TTC21A: variants seen among roughly 807,000 people sequenced by gnomAD.
The protein encoded by TTC21A is tetratricopeptide repeat domain 21A, also known as tetratricopeptide repeat protein 21A.
Under a neutral mutation model 156.4 loss-of-function variants are expected in TTC21A, and 128 were observed. That is an observed-to-expected ratio of 0.82 (90% CI 0.71 to 0.95). The LOEUF is 0.95. Among genes scored for constraint, TTC21A ranks in the 40% least tolerant of loss-of-function variants. The pLI, the probability that TTC21A is intolerant of heterozygous loss-of-function variation, is 0.00. For synonymous variants in TTC21A, 587 were observed against 617.1 expected (o/e 0.95, Z 0.72); for missense variants, 1,435 against 1,602.3 (o/e 0.90, Z 1.78).
At chr3:39,136,612 A>G in intron 23 of TTC21A, 105 bp downstream of exon 23, 1 of 1,404,272 alleles carries the variant, frequency 7.1e-7, no homozygotes. Flanking sequence ...TTCTGCCTCC[A>G]GGACACCCGG....
chr3:39,122,106 C>G (rs1575523464), intron 9 of TTC21A, among the ~76,000 whole-genome samples: 2 of 152,082 alleles, frequency 1.3e-5, no homozygotes, highest in Admixed American at 1.3e-4. Flanking sequence ...GTCAGGAATT[C>G]GAGACCAGCC....
intron 7 of TTC21A, chr3:39,119,635 A>AAGAAAAAG (rs1553680865): frequency 5.0e-6 from 1 of 200,870 alleles, no homozygotes; most frequent in African/African-American, 2.9e-5. Flanking sequence ...AGCAGTCAAA[A>AAGAAAAAG]AAAAAAAAGA....
At chr3:39,133,415 G>C (rs748859533) in intron 20 of TTC21A, among the ~76,000 whole-genome samples, 175 bp downstream of exon 20, 12 of 152,242 alleles carry the variant, frequency 7.9e-5, no homozygotes, top group Non-Finnish European at 1.2e-4. Context: ...GTCTGCTCCT[G>C]CTGACCTGGG....
intron 5 of TTC21A, 121 bp downstream of exon 5, chr3:39,112,701 G>C (rs2036940299): frequency 1.4e-6 from 2 of 1,460,362 alleles, no homozygotes; most frequent in South Asian, 2.8e-5. Context: ...CGTAGATAAA[G>C]AGCAGAGGCC....
In TTC21A at chr3:39,119,957, AG is replaced by A; in HGVS notation, c.838del (p.Glu280ArgfsTer27). The A allele has an allele frequency of 1.2e-6, 2 of 1,609,904 alleles. No homozygotes were observed. Among genetic ancestry groups the A allele is most frequent in the Non-Finnish European group, 1.7e-6 (2 of 1,176,634 alleles). On this transcript the variant is annotated frameshift_variant, in exon 8 of 29. Transcript: ENST00000683103. LOFTEE classifies it high-confidence loss of function. ...ACGTTAGAAATCTGATTAAGGCACT[AG>A]AGACAAGGGAACCCGAAAATCCAAG... ...NHVRNLIKALETREPENPSLH... is the reference protein window; with the variant it reads ...NHVRNLIKALXTREPENPSLH...
In TTC21A at chr3:39,137,241, G is replaced by A. The variant is rs750447911; in HGVS notation, c.3304G>A (p.Glu1102Lys). The change falls in exon 25 of 29, where the codon GAG becomes AAG. Residue 1102 changes from glutamate to lysine, a missense_variant. Physicochemically the swap from Glu to Lys is moderately conservative, Grantham distance 56. Transcript: ENST00000683103. ...GGAGCAGCAGGGTGTGAGCACCGCCGAGAAACTGCTGCGTGAGTTTTACCC... is the reference window on the plus strand; with the variant it reads ...GGAGCAGCAGGGTGTGAGCACCGCCAAGAAACTGCTGCGTGAGTTTTACCC... ...ELEQQGVSTA[E>K]KLLREFYPHS... 16 of 1,614,044 alleles carry A rather than the reference G, an allele frequency of 9.9e-6. No homozygotes were observed. The East Asian group carries it at 1.1e-4, about 11-fold the overall frequency.
Position 39,128,905 on chromosome 3 carries a change from G to A in TTC21A, c.1869G>A (p.Val623=), listed in dbSNP as rs1266581600. The change falls in exon 14 of 29, where the codon GTG becomes GTA. Residue 623 remains valine (V), a synonymous_variant. Coordinates refer to ENST00000683103, the MANE Select transcript of TTC21A (RefSeq NM_001366900.1). ...GGGCATCCATCTTATTGGAACTGGT[G>A]GAGGCCCTCCGGCTGAATGGGGAGC... The part of the protein sequence containing the change: ...SQRASILLEL[V]EALRLNGELH... 1.9e-6 allele frequency: 3 copies of A among 1,614,198 alleles called. No individual in the cohort carries two copies. Among genetic ancestry groups the A allele is most frequent in the African/African-American group, 1.3e-5 (1 of 75,056 alleles).
chr3:39,109,054 G>A (rs2125733465), intron 1 of TTC21A, 31 bp from the exon 2 acceptor site: 1 of 1,609,266 alleles, frequency 6.2e-7, no homozygotes, highest in Non-Finnish European at 8.5e-7. Flanking sequence ...GAAGGGACTG[G>A]GCTATTGCAG....
chr3:39,134,392 A>AGG lies in TTC21A; in HGVS notation c.2862+65_2862+66insGG. ...CTCCCTTCCCAGGGTCCCTGTGACCAGATGCAGGCTACTTCCTAGCCCCGT... is the reference window on the plus strand; with the variant it reads ...CTCCCTTCCCAGGGTCCCTGTGACCAGGGATGCAGGCTACTTCCTAGCCCCGT... On this transcript the variant is annotated intron_variant, in intron 21 of 28. Transcript: ENST00000683103. This position sits in a 1 kb window ranked among gnomAD's most constrained non-coding sequence, Gnocchi z 4.6. The AGG allele has an allele frequency of 8.7e-7, 1 of 1,146,710 alleles. No individual in the cohort carries two copies. The highest frequency in any genetic ancestry group is 1.3e-6 in the Non-Finnish European group (1 of 753,456). 71.0% of individuals were successfully genotyped at this position (1,146,710 alleles called of 1,614,324 possible).
intron 1 of TTC21A, 163 bp downstream of exon 1, chr3:39,108,027 G>A (rs1424971860): frequency 6.2e-6 from 5 of 801,182 alleles, no homozygotes; most frequent in African/African-American, 1.7e-5. Flanking sequence ...CGTCTTCTCC[G>A]GTGGCTTCTG....
At chr3:39,131,256 T>G (rs546115899) in intron 19 of TTC21A, among the ~76,000 whole-genome samples, 161 bp downstream of exon 19, 2 of 152,326 alleles carry the variant, frequency 1.3e-5, no homozygotes, top group South Asian at 4.1e-4. Flanking sequence ...TTTCCCGTCC[T>G]GGTTCATTCA....
At chr3:39,122,107 G>C (rs546945452) in intron 9 of TTC21A, among the ~76,000 whole-genome samples, 1 of 152,100 alleles carries the variant, frequency 6.6e-6, no homozygotes, top group Admixed American at 6.6e-5. Flanking sequence ...TCAGGAATTC[G>C]AGACCAGCCT....
chr3:39,128,674 C>T, intron 13 of TTC21A, 43 bp from the exon 14 acceptor site: 7 of 1,597,454 alleles, frequency 4.4e-6, no homozygotes, highest in Non-Finnish European at 6.0e-6. Flanking sequence ...GCAGCAGTAG[C>T]AGCAGTGAAC....
At position 39,110,301 on chromosome 3, in the gene TTC21A, G is replaced by C. The variant is rs1031204975; in HGVS notation, c.268+162G>C. 3.5e-5 allele frequency: 24 copies of C among 682,574 alleles called. No homozygotes were observed. The Admixed American group carries it at 4.9e-4, about 14-fold the overall frequency. The allele number at this position is 682,574 out of a possible 1,614,324, so 42.3% of individuals were successfully genotyped here. On this transcript the variant is annotated intron_variant, in intron 3 of 28. Coordinates refer to ENST00000683103, the MANE Select transcript of TTC21A (RefSeq NM_001366900.1). ...AAGTGGCTGCTGCTCCTCTCCCCCT[G>C]GAGGCCTGGGAGAAGACTCCATGCC...
chr3:39,134,406 T>G lies in TTC21A; in HGVS notation c.2862+78T>G. On this transcript the variant is annotated intron_variant, in intron 21 of 28. Transcript: ENST00000683103. This position sits in a 1 kb window ranked among gnomAD's most constrained non-coding sequence, Gnocchi z 4.6. ...TCCCTGTGACCAGATGCAGGCTACT[T>G]CCTAGCCCCGTAACCTCAGATGCCT... 9.7e-7 allele frequency: 1 copy of G among 1,028,838 alleles called. No homozygotes were observed. Among genetic ancestry groups the G allele is most frequent in the South Asian group, 1.3e-5 (1 of 79,488 alleles). 63.7% of individuals were successfully genotyped at this position (1,028,838 alleles called of 1,614,324 possible).
intron 3 of TTC21A, 103 bp downstream of exon 3, chr3:39,110,242 C>G (rs1340336631): frequency 1.2e-6 from 1 of 853,844 alleles, no homozygotes; most frequent in South Asian, 1.4e-5. Flanking sequence ...AGGTATGTGC[C>G]CTGGTGGCTG....
At chr3:39,138,423 TGGGA>T (rs1249032294) in intron 27 of TTC21A, 36 bp downstream of exon 27, 2 of 1,613,462 alleles carry the variant, frequency 1.2e-6, no homozygotes, top group Admixed American at 3.3e-5. Flanking sequence ...TGAATGGACG[TGGGA>T]GGGAGGTGGG....
At chr3:39,133,306 G>C in intron 20 of TTC21A, 66 bp downstream of exon 20, 5 of 1,515,888 alleles carry the variant, frequency 3.3e-6, no homozygotes, top group Non-Finnish European at 4.5e-6. Flanking sequence ...TGAGCTCACT[G>C]ACCAGGTACA....
intron 12 of TTC21A, among the ~76,000 whole-genome samples, chr3:39,127,979 G>C (rs1019171719): frequency 2.6e-5 from 4 of 152,208 alleles, no homozygotes; most frequent in African/African-American, 9.6e-5. Flanking sequence ...TATAGTTGCT[G>C]TTACTACTAG....
Sources: gnomAD v4.1 joint callset for allele counts (sites outside exome capture counted in the v4.1 genomes callset) on GRCh38, gnomAD v4.1.1 for gene constraint, Gnocchi (gnomAD v3.1) non-coding constraint, MANE v1.5 for transcripts, NCBI Gene and HGNC (gene_info 2026-07-23, HGNC 2026-07-21) for gene names.